TMEM232: variants seen among roughly 807,000 people sequenced by gnomAD.
TMEM232 encodes the protein transmembrane protein 232.
In TMEM232, 80 loss-of-function variants were observed where a neutral mutation model predicts 78.8. That is an observed-to-expected ratio of 1.01 (90% CI 0.85 to 1.22). The LOEUF (loss-of-function observed/expected upper bound fraction) is 1.22, where lower values mean the gene tolerates loss of function less well. Ranked by LOEUF, TMEM232 falls within the 50% of genes most tolerant of loss-of-function variation. The pLI is 0.00. For synonymous variants in TMEM232, 297 were observed against 254.3 expected (o/e 1.17, Z -1.60); for missense variants, 881 against 742.2 (o/e 1.19, Z -2.17).
intron 1 of TMEM232, among the ~76,000 whole-genome samples, chr5:110,689,464 T>C (rs1032186435): frequency 6.6e-6 from 1 of 152,082 alleles, no homozygotes; most frequent in Non-Finnish European, 1.5e-5. Context: ...ATATTCAAAA[T>C]ACTGAAAACT....
intron 12 of TMEM232, among the ~76,000 whole-genome samples, chr5:110,462,575 C>T (rs1761651492): frequency 6.6e-6 from 1 of 152,172 alleles, no homozygotes; most frequent in Non-Finnish European, 1.5e-5. Context: ...AACTCTGGGA[C>T]TCTTGGACCT....
chr5:110,677,834 A>G (rs538883230), intron 1 of TMEM232, among the ~76,000 whole-genome samples: 4 of 152,316 alleles, frequency 2.6e-5, no homozygotes, highest in African/African-American at 7.2e-5. Flanking sequence ...TCCCATCATC[A>G]TACTTAGGTG....
chr5:110,686,948 G>A (rs1793490474), intron 1 of TMEM232, among the ~76,000 whole-genome samples: 1 of 152,064 alleles, frequency 6.6e-6, no homozygotes, highest in East Asian at 1.9e-4. Flanking sequence ...CACATCACTG[G>A]GGAGCTACTA....
At chr5:110,475,469 T>TTTTC in intron 12 of TMEM232, among the ~76,000 whole-genome samples, 1 of 146,186 alleles carries the variant, frequency 6.8e-6, no homozygotes, top group East Asian at 2.0e-4. Flanking sequence ...TTTTTTTTTT[T>TTTTC]ACAAAAACCA....
At chr5:110,532,137 A>C (rs969007443) in intron 11 of TMEM232, among the ~76,000 whole-genome samples, 1 of 152,092 alleles carries the variant, frequency 6.6e-6, no homozygotes, top group Non-Finnish European at 1.5e-5. Flanking sequence ...CTGGCCACCA[A>C]GCCAAAGAAT....
intron 1 of TMEM232, among the ~76,000 whole-genome samples, chr5:110,711,259 A>G (rs1262376035): frequency 6.6e-6 from 1 of 152,204 alleles, no homozygotes; most frequent in Non-Finnish European, 1.5e-5. Flanking sequence ...AAATTGAAGA[A>G]GAGACACAAA....
At chr5:110,641,806 T>C (rs571040856) in intron 3 of TMEM232, among the ~76,000 whole-genome samples, 10 of 152,170 alleles carry the variant, frequency 6.6e-5, no homozygotes, top group Non-Finnish European at 1.3e-4. Flanking sequence ...CTGTTCTGTT[T>C]TGATATCTAT....
chr5:110,445,590 A>G (rs950206822), intron 12 of TMEM232, among the ~76,000 whole-genome samples: 12 of 152,126 alleles, frequency 7.9e-5, no homozygotes, highest in Non-Finnish European at 1.5e-4. Context: ...ATAATTAACA[A>G]CTTAAAACAA....
chr5:110,719,344 T>C (rs928988448), intron 1 of TMEM232, among the ~76,000 whole-genome samples: 1 of 152,024 alleles, frequency 6.6e-6, no homozygotes, highest in Non-Finnish European at 1.5e-5. Flanking sequence ...TTTACTGACA[T>C]TCTCCATTTG....
intron 1 of TMEM232, 54 bp from the exon 2 acceptor site, chr5:110,667,418 C>A: frequency 2.3e-6 from 3 of 1,310,450 alleles, no homozygotes; most frequent in South Asian, 1.8e-5. Flanking sequence ...TAGTATCAAA[C>A]AACATGTTAT....
rs997228699 is a variant in TMEM232 at position 110,718,191 on chromosome 5, G to A, written c.-13+8436C>T. Among the ~76,000 whole-genome samples, 15 of 152,010 alleles carry A rather than the reference G, an allele frequency of 9.9e-5. 1 individual carries two copies. The highest frequency in any genetic ancestry group is 3.4e-3 in the Middle Eastern group (1 of 294). On this transcript the variant is annotated intron_variant, in intron 1 of 13. Coordinates refer to ENST00000455884, the MANE Select transcript of TMEM232 (RefSeq NM_001039763.4). ...TTTATGTATTTGATTATAGAATGCC[G>A]TGCTAGATAGACTTCATTGGGGATA...
At chr5:110,451,374 T>G (rs1338511865) in intron 12 of TMEM232, among the ~76,000 whole-genome samples, 1 of 152,318 alleles carries the variant, frequency 6.6e-6, no homozygotes, top group East Asian at 1.9e-4. Flanking sequence ...CTGTTTTTAA[T>G]GAATCCTGTT....
At chr5:110,545,580 G>A (rs1262532338) in intron 11 of TMEM232, among the ~76,000 whole-genome samples, 1 of 152,002 alleles carries the variant, frequency 6.6e-6, no homozygotes, top group African/African-American at 2.4e-5. Context: ...AGCCACATGT[G>A]GAGAAGGAGA....
chr5:110,503,358 A>T (rs1253716486), intron 12 of TMEM232, among the ~76,000 whole-genome samples: 1 of 152,096 alleles, frequency 6.6e-6, no homozygotes, highest in Non-Finnish European at 1.5e-5. Context: ...CCAAGAATGA[A>T]TTTTCAATTT....
chr5:110,641,173 G>GCAAA (rs1463204712), intron 3 of TMEM232, among the ~76,000 whole-genome samples, 177 bp from the exon 4 acceptor site: 1 of 151,984 alleles, frequency 6.6e-6, no homozygotes, highest in Non-Finnish European at 1.5e-5. Flanking sequence ...GAGATTTTAT[G>GCAAA]CAAACTGTAT....
chr5:110,397,990 C>A (rs1394013442), intron 2 of TMEM232: 1 of 152,408 alleles, frequency 6.6e-6, no homozygotes, highest in African/African-American at 2.4e-5. Flanking sequence ...ACTGTCAACT[C>A]TTAATTATTT....
intron 12 of TMEM232, among the ~76,000 whole-genome samples, chr5:110,500,291 A>AT (rs909347747): frequency 6.7e-6 from 1 of 149,422 alleles, no homozygotes; most frequent in Admixed American, 6.7e-5. Context: ...TCTGTCTCAA[A>AT]AAAAAAAAAA....
chr5:110,650,901 G>C (rs183173463), intron 2 of TMEM232, among the ~76,000 whole-genome samples: 1 of 152,236 alleles, frequency 6.6e-6, no homozygotes, highest in Non-Finnish European at 1.5e-5. Flanking sequence ...GAGAAACTGA[G>C]TGCAGGGTAT....
At chr5:110,567,795 G>C (rs1255714639) in intron 11 of TMEM232, among the ~76,000 whole-genome samples, 1 of 151,836 alleles carries the variant, frequency 6.6e-6, no homozygotes, top group Non-Finnish European at 1.5e-5. Flanking sequence ...CCTTCTTCCT[G>C]GTATTTCTGG....
Sources: allele counts gnomAD v4.1 joint callset (sites outside exome capture counted in the v4.1 genomes callset), GRCh38; gene constraint gnomAD v4.1.1; transcripts MANE v1.5; gene names NCBI Gene and HGNC (gene_info 2026-07-23, HGNC 2026-07-21).